The following LRMDA variants were observed in gnomAD, a reference collection of about 807,000 sequenced individuals.
LRMDA encodes leucine-rich melanocyte differentiation-associated protein.
LRMDA carries 18 observed loss-of-function variants against 29.8 expected under a neutral mutation model. The observed-to-expected ratio is 0.60, with a 90% confidence interval of 0.42 to 0.90. The LOEUF (loss-of-function observed/expected upper bound fraction) is 0.90, where lower values mean the gene tolerates loss of function less well. LRMDA is among the 40% of genes least tolerant of loss of function. LRMDA has a pLI of 0.00. For missense variants in LRMDA, 273 were observed against 273.9 expected, an observed-to-expected ratio of 1.00 and a Z score of 0.02; for synonymous variants, 125 against 109.4, an observed-to-expected ratio of 1.14 and a Z score of -0.89.
At chr10:75,641,134 G>C (rs973430478) in intron 2 of LRMDA, among the ~76,000 whole-genome samples, 4 of 152,186 alleles carry the variant, frequency 2.6e-5, no homozygotes, top group African/African-American at 9.7e-5. Context: ...TTATCTCTCT[G>C]AGTGTGTTAC....
In LRMDA at chr10:75,573,688, A is replaced by G. The variant is rs543277217; in HGVS notation, c.131+135194A>G. On this transcript the variant is annotated intron_variant, in intron 2 of 6. Transcript: ENST00000611255. ...TTCCTAATGGTTCCTATGCCTTTTT[A>G]ACTTGTTTCAGATTTAAAAAATAAC... 1.7e-4 allele frequency among the ~76,000 whole-genome samples: 26 copies of G among 152,214 alleles called. No homozygotes were observed. The South Asian group carries it at 5.2e-3, about 30-fold the overall frequency.
rs1467052053 is a variant in LRMDA at position 75,559,816 on chromosome 10, C to A, written c.131+121322C>A. 2.4e-5 allele frequency among the ~76,000 whole-genome samples: 2 copies of A among 83,792 alleles called. 1 individual carries two copies. Among genetic ancestry groups the A allele is most frequent in the Non-Finnish European group, 6.6e-5 (2 of 30,426 alleles). The allele number at this position is 83,792 out of a possible 152,430, so 55.0% of individuals were successfully genotyped here. A position where few individuals can be genotyped will look rare whatever the true frequency, so the allele number is the denominator to read the frequency against. The stretch of plus-strand genomic sequence containing the variant: ...TCGTTTCCCCATTTCTTGTTTTTGT[C>A]AGGTTTGTCAAAGATCACATGGTTG... On this transcript the variant is annotated intron_variant, in intron 2 of 6. Coordinates refer to ENST00000611255, the MANE Select transcript of LRMDA (RefSeq NM_001305581.2).
intron 2 of LRMDA, among the ~76,000 whole-genome samples, chr10:75,938,149 A>G (rs1846327778): frequency 6.6e-6 from 1 of 152,116 alleles, no homozygotes; most frequent in Non-Finnish European, 1.5e-5. Flanking sequence ...GTTAGGTGAA[A>G]TTTAAGGCAA....
chr10:75,651,689 C>T (rs1453890513), intron 2 of LRMDA, among the ~76,000 whole-genome samples: 10 of 152,162 alleles, frequency 6.6e-5, no homozygotes, highest in Non-Finnish European at 1.5e-4. Flanking sequence ...CAGCACCTCC[C>T]GGTGGCCCAA....
intron 2 of LRMDA, among the ~76,000 whole-genome samples, chr10:75,562,354 C>T (rs1055641854): frequency 2.1e-4 from 32 of 151,452 alleles, no homozygotes; most frequent in Middle Eastern, 3.4e-3. Flanking sequence ...GGACTGCAAC[C>T]CCTGCCTTTT....
intron 2 of LRMDA, among the ~76,000 whole-genome samples, chr10:75,584,736 C>T (rs1455108531): frequency 3.3e-5 from 5 of 152,152 alleles, no homozygotes; most frequent in Non-Finnish European, 7.4e-5. Flanking sequence ...CTTTGCAAGT[C>T]ACTGACTGTA....
chr10:75,693,407 T>A (rs745491338), intron 2 of LRMDA, among the ~76,000 whole-genome samples: 7 of 152,222 alleles, frequency 4.6e-5, no homozygotes, highest in Non-Finnish European at 8.8e-5. Context: ...TGTGCTAGTT[T>A]ACATTAGCTT....
intron 2 of LRMDA, among the ~76,000 whole-genome samples, chr10:75,560,392 A>C (rs1348663434): frequency 2.7e-5 from 4 of 150,750 alleles, no homozygotes; most frequent in African/African-American, 9.7e-5. Flanking sequence ...TTGTATCCTG[A>C]GACTTTGCTG....
At chr10:75,855,394 C>T (rs920882177) in intron 2 of LRMDA, among the ~76,000 whole-genome samples, 36 of 152,198 alleles carry the variant, frequency 2.4e-4, no homozygotes, top group East Asian at 7.7e-4. Flanking sequence ...TCATATCCTT[C>T]GCCCACTTTT....
At chr10:75,803,321 G>A (rs933356883) in intron 2 of LRMDA, among the ~76,000 whole-genome samples, 5 of 152,184 alleles carry the variant, frequency 3.3e-5, no homozygotes, top group African/African-American at 1.2e-4. Context: ...TCATAATATG[G>A]TGACACATTT....
chr10:75,753,969 G>A (rs1472500052), intron 2 of LRMDA, among the ~76,000 whole-genome samples: 1 of 152,188 alleles, frequency 6.6e-6, no homozygotes, highest in Non-Finnish European at 1.5e-5. Context: ...TGAAGGAGAG[G>A]AATCAAAGAT....
intron 5 of LRMDA, among the ~76,000 whole-genome samples, chr10:76,154,886 C>T (rs550616739): frequency 6.6e-6 from 1 of 152,252 alleles, no homozygotes; most frequent in South Asian, 2.1e-4. Context: ...AGACTCATCT[C>T]CCCATTGTTG....
At chr10:76,458,171 G>T (rs1014701324) in intron 6 of LRMDA, among the ~76,000 whole-genome samples, 11 of 12,780 alleles carry the variant, frequency 8.6e-4, no homozygotes, top group African/African-American at 1.8e-3. Flanking sequence ...AATTTGGCCT[G>T]TTTTGTATAT....
At chr10:76,000,177 G>A (rs1238925762) in intron 2 of LRMDA, among the ~76,000 whole-genome samples, 1 of 152,144 alleles carries the variant, frequency 6.6e-6, no homozygotes, top group East Asian at 1.9e-4. Context: ...GGTGATGGAG[G>A]TGGAGGACGG....
chr10:76,479,153 GA>G (rs1404995601), intron 6 of LRMDA, among the ~76,000 whole-genome samples: 1 of 151,818 alleles, frequency 6.6e-6, no homozygotes, highest in Non-Finnish European at 1.5e-5. Context: ...ATAGAAGTTG[GA>G]AACATTGGAT....
intron 2 of LRMDA, among the ~76,000 whole-genome samples, chr10:75,961,683 A>G (rs1266714030): frequency 6.6e-6 from 1 of 152,216 alleles, no homozygotes; most frequent in African/African-American, 2.4e-5. Flanking sequence ...GGGCTGCTTC[A>G]TAACAGCCCA....
At chr10:76,222,659 C>T (rs976442092) in intron 5 of LRMDA, among the ~76,000 whole-genome samples, 68 of 152,202 alleles carry the variant, frequency 4.5e-4, no homozygotes, top group African/African-American at 1.6e-3. Flanking sequence ...AACACTTTTA[C>T]ACTGTTGGTG....
At chr10:76,309,904 A>G (rs1840608137) in intron 5 of LRMDA, among the ~76,000 whole-genome samples, 1 of 152,226 alleles carries the variant, frequency 6.6e-6, no homozygotes, top group South Asian at 2.1e-4. Flanking sequence ...GATGCTGCCA[A>G]TAAATCCTGT....
intron 2 of LRMDA, among the ~76,000 whole-genome samples, chr10:75,620,904 T>C (rs1262342383): frequency 1.3e-5 from 2 of 152,232 alleles, no homozygotes; most frequent in African/African-American, 4.8e-5. Context: ...ATAAGTTCTT[T>C]GGTGGTGATT....
Sources: allele counts gnomAD v4.1 joint callset (sites outside exome capture counted in the v4.1 genomes callset), GRCh38; gene constraint gnomAD v4.1.1; transcripts MANE v1.5; gene names NCBI Gene and HGNC (gene_info 2026-07-23, HGNC 2026-07-21).